SHLD1: variants seen among roughly 807,000 people sequenced by gnomAD.
SHLD1 encodes shieldin complex subunit 1.
A neutral mutation model predicts 5.5 loss-of-function variants in SHLD1; 3 were observed. That is an observed-to-expected ratio of 0.54 (90% CI 0.25 to 1.40). SHLD1 has a LOEUF of 1.40. Ranked by LOEUF, SHLD1 falls within the 40% of genes most tolerant of loss-of-function variation. The pLI, the probability that SHLD1 is intolerant of heterozygous loss-of-function variation, is 0.15. For synonymous variants in SHLD1, 92 were observed against 94.3 expected, an observed-to-expected ratio of 0.98 and a Z score of 0.14; for missense variants, 210 against 244.4, an observed-to-expected ratio of 0.86 and a Z score of 0.94.
At chr20:5,752,395 CAA>C (rs75840593) in intron 1 of SHLD1, among the ~76,000 whole-genome samples, 18,635 of 121,534 alleles carry the variant, frequency 0.15, 2,767 homozygotes, top group African/African-American at 0.4. Flanking sequence ...GACTCCATCT[CAA>C]AAAAAAAAAA....
rs548795974 is a variant in SHLD1 at position 5,758,407 on chromosome 20, A to C, written c.-5+7928A>C. Among the ~76,000 whole-genome samples the C allele has an allele frequency of 2.0e-3, 285 of 139,830 alleles. 1 individual carries two copies. Among genetic ancestry groups the C allele is most frequent in the African/African-American group, 7.3e-3 (278 of 38,238 alleles). The allele number at this position is 139,830 out of a possible 152,430, so 91.7% of individuals were successfully genotyped here. Reference sequence around the variant, plus strand: ...AGGGAAGGAAGTGAGCTTTGGGCCAAGTATTATTTTTTTTTATATTTTTTT... The same window carrying C: ...AGGGAAGGAAGTGAGCTTTGGGCCACGTATTATTTTTTTTTATATTTTTTT... On this transcript the variant is annotated intron_variant, in intron 1 of 2. Transcript: ENST00000303142.
intron 2 of SHLD1, among the ~76,000 whole-genome samples, chr20:5,786,834 G>A (rs2087066623): frequency 6.6e-6 from 1 of 152,150 alleles, no homozygotes. Flanking sequence ...ATCTGCCCCA[G>A]TGAATATGGG....
intron 2 of SHLD1, among the ~76,000 whole-genome samples, chr20:5,808,284 A>G (rs1448334352): frequency 6.6e-6 from 1 of 152,096 alleles, no homozygotes; most frequent in Non-Finnish European, 1.5e-5. Context: ...AAGAAACGTA[A>G]AAGTCCTAGG....
At position 5,760,684 on chromosome 20, in the gene SHLD1, C is replaced by G. The variant is rs375898657; in HGVS notation, c.-5+10205C>G. On this transcript the variant is annotated intron_variant, in intron 1 of 2. Coordinates refer to ENST00000303142, the MANE Select transcript of SHLD1 (RefSeq NM_152504.4). ...CTCCAGCCTGGGCGACAGAGCGAGA[C>G]TCTGTCTAAAAAATAAAAAAAAAAC... Among the ~76,000 whole-genome samples, 16 of 151,206 alleles carry G rather than the reference C, an allele frequency of 1.1e-4. 1 individual carries two copies. The East Asian group carries it at 1.8e-3, about 17-fold the overall frequency.
At chr20:5,757,071 C>CT (rs753877287) in intron 1 of SHLD1, among the ~76,000 whole-genome samples, 5,076 of 123,202 alleles carry the variant, frequency 0.041, 231 homozygotes, top group African/African-American at 0.09. Context: ...TTCTTTCTTT[C>CT]TTTTTTTTTT....
intron 2 of SHLD1, among the ~76,000 whole-genome samples, chr20:5,776,841 G>T (rs35245764): frequency 6.6e-6 from 1 of 152,010 alleles, no homozygotes; most frequent in African/African-American, 2.4e-5. Context: ...CCCATGGAAG[G>T]CTCTGGGTGT....
chr20:5,817,470 G>A (rs1460500473), intron 2 of SHLD1, among the ~76,000 whole-genome samples: 1 of 147,178 alleles, frequency 6.8e-6, no homozygotes, highest in Non-Finnish European at 1.5e-5. Flanking sequence ...GTGTGTGTGT[G>A]TGTTGGGATT....
Position 5,863,009 on chromosome 20 carries a change from C to A in SHLD1, c.179-15C>A, listed in dbSNP as rs763149662. Reference sequence around the variant, plus strand: ...GATTGTGTGTTTGAGTATTGGAATACGTTTTGTCTTGCAGACACCAGTAAC... The same window carrying A: ...GATTGTGTGTTTGAGTATTGGAATAAGTTTTGTCTTGCAGACACCAGTAAC... On this transcript the variant is annotated splice_polypyrimidine_tract_variant and intron_variant, in intron 2 of 2. Coordinates refer to ENST00000303142, the MANE Select transcript of SHLD1 (RefSeq NM_152504.4). 3.2e-6 allele frequency: 5 copies of A among 1,552,250 alleles called. No individual in the cohort carries two copies. In the East Asian group the frequency reaches 9.0e-5, roughly 28 times the overall value.
intron 2 of SHLD1, among the ~76,000 whole-genome samples, chr20:5,844,786 TATATA>T (rs1245440593): frequency 2.9e-4 from 30 of 104,458 alleles, no homozygotes; most frequent in African/African-American, 1.1e-3. Flanking sequence ...TATATATATA[TATATA>T]TATATATATT....
intron 1 of SHLD1, among the ~76,000 whole-genome samples, chr20:5,756,328 G>A (rs1364182362): frequency 6.6e-6 from 1 of 151,960 alleles, no homozygotes; most frequent in Non-Finnish European, 1.5e-5. Context: ...GATCTTTAGT[G>A]ACCTAAATAT....
intron 1 of SHLD1, among the ~76,000 whole-genome samples, chr20:5,769,549 G>T (rs1297493504): frequency 6.6e-6 from 1 of 152,134 alleles, no homozygotes; most frequent in Non-Finnish European, 1.5e-5. Flanking sequence ...TATGATAAAG[G>T]TTAATTTATA....
At chr20:5,809,118 G>A (rs999849277) in intron 2 of SHLD1, among the ~76,000 whole-genome samples, 2 of 152,024 alleles carry the variant, frequency 1.3e-5, no homozygotes, top group African/African-American at 4.8e-5. Flanking sequence ...AATGTTGGGG[G>A]TGGATTTTTC....
chr20:5,841,837 T>C (rs2087865575), intron 2 of SHLD1, among the ~76,000 whole-genome samples: 1 of 152,192 alleles, frequency 6.6e-6, no homozygotes, highest in African/African-American at 2.4e-5. Context: ...GGAATAGATA[T>C]CTTTGTCTGT....
At chr20:5,795,601 C>CAAAAAAAAAAA (rs56723415) in intron 2 of SHLD1, among the ~76,000 whole-genome samples, 1 of 67,090 alleles carries the variant, frequency 1.5e-5, no homozygotes. Context: ...TCTGGTCTCG[C>CAAAAAAAAAAA]AAAAAAAAAA....
intron 2 of SHLD1, among the ~76,000 whole-genome samples, chr20:5,807,500 AG>A (rs768711655): frequency 5.9e-5 from 9 of 151,960 alleles, no homozygotes; most frequent in Non-Finnish European, 1.2e-4. Context: ...TCTCCTGTGT[AG>A]CTGGGACTAC....
chr20:5,826,746 T>C (rs768910238), intron 2 of SHLD1, among the ~76,000 whole-genome samples: 6 of 151,678 alleles, frequency 4.0e-5, no homozygotes, highest in Non-Finnish European at 1.5e-5. Flanking sequence ...ACTTGGCCTC[T>C]CTGTGCCTCA....
intron 2 of SHLD1, among the ~76,000 whole-genome samples, chr20:5,810,797 G>T (rs2087448027): frequency 6.6e-6 from 1 of 151,850 alleles, no homozygotes; most frequent in Non-Finnish European, 1.5e-5. Flanking sequence ...CTACTTGGGT[G>T]GCTGAGGCAG....
rs1945017703 is a variant in SHLD1 at position 5,863,369 on chromosome 20, G to A, written c.524G>A (p.Gly175Glu). The change falls in exon 3 of 3, where the codon GGA (glycine) becomes GAA (glutamate). Residue 175 changes from glycine (G) to glutamate (E), a missense_variant. By Grantham distance (98) the Gly-to-Glu change is moderately conservative. Transcript: ENST00000303142. ...RDTHFYPLEE[G>E]STSLDDEKPN... ...ACCCACTTCTACCCACTGGAGGAAG[G>A]AAGTACATCTTTGGATGATGAAAAG... 2 of 1,614,060 alleles carry A rather than the reference G, an allele frequency of 1.2e-6. No individual in the cohort carries two copies. The highest frequency in any genetic ancestry group is 1.7e-6 in the Non-Finnish European group (2 of 1,180,038).
intron 2 of SHLD1, among the ~76,000 whole-genome samples, chr20:5,833,715 G>C (rs113729186): frequency 3.3e-5 from 5 of 152,012 alleles, no homozygotes; most frequent in African/African-American, 7.2e-5. Flanking sequence ...GAAACACAGA[G>C]AGAGAGAAAA....
Sources: allele counts gnomAD v4.1 joint callset (sites outside exome capture counted in the v4.1 genomes callset), GRCh38; gene constraint gnomAD v4.1.1; transcripts MANE v1.5; gene names NCBI Gene and HGNC (gene_info 2026-07-23, HGNC 2026-07-21).